Variants in AIG1 observed in about 807,000 individuals in gnomAD.
The protein encoded by AIG1 is androgen induced 1.
A neutral mutation model predicts 31.4 loss-of-function variants in AIG1; 23 were observed. The ratio of observed to expected loss-of-function variants is 0.73; its 90% CI spans 0.53 to 1.04. The LOEUF is 1.04. Ranked by LOEUF, AIG1 falls within the 50% of genes least tolerant of loss-of-function variation. AIG1 has a pLI of 0.00. For synonymous variants in AIG1, 100 were observed against 110.5 expected (o/e 0.90, Z 0.60); for missense variants, 274 against 295.0 (o/e 0.93, Z 0.52).
chr6:143,195,407 A>G (rs1266711439), intron 3 of AIG1, among the ~76,000 whole-genome samples: 1 of 152,248 alleles, frequency 6.6e-6, no homozygotes, highest in Non-Finnish European at 1.5e-5. Flanking sequence ...ATTAGTTTAC[A>G]CACTGGAGAA....
chr6:143,237,028 T>C (rs545868990), intron 3 of AIG1, among the ~76,000 whole-genome samples: 1 of 152,306 alleles, frequency 6.6e-6, no homozygotes, highest in South Asian at 2.1e-4. Flanking sequence ...ACAAGTTAAA[T>C]AACTTACAAT....
chr6:143,242,145 A>T (rs966482021), intron 3 of AIG1, among the ~76,000 whole-genome samples: 2 of 152,190 alleles, frequency 1.3e-5, no homozygotes, highest in Non-Finnish European at 2.9e-5. Flanking sequence ...GAGCACGAGC[A>T]ATAGCAATGT....
chr6:143,129,154 G>C (rs546551618), intron 1 of AIG1, among the ~76,000 whole-genome samples: 1 of 152,200 alleles, frequency 6.6e-6, no homozygotes, highest in East Asian at 1.9e-4. Flanking sequence ...AGGCGGGTGT[G>C]GGGGCAGGCA....
At chr6:143,209,621 C>T (rs552610333) in intron 3 of AIG1, among the ~76,000 whole-genome samples, 97 of 152,294 alleles carry the variant, frequency 6.4e-4, no homozygotes, top group Non-Finnish European at 8.2e-4. Context: ...AAAATGGATT[C>T]TCCCTTAGAG....
At chr6:143,281,785 A>G (rs1490928555) in intron 3 of AIG1, among the ~76,000 whole-genome samples, 2 of 152,176 alleles carry the variant, frequency 1.3e-5, no homozygotes, top group Non-Finnish European at 2.9e-5. Context: ...AAAATTCCAA[A>G]TGATAAGCTG....
chr6:143,153,703 C>T (rs1001883634), intron 2 of AIG1, among the ~76,000 whole-genome samples: 3 of 152,052 alleles, frequency 2.0e-5, no homozygotes, highest in African/African-American at 7.2e-5. Context: ...TACCCTGTGG[C>T]CTTGTGAGGC....
At chr6:143,170,288 T>C (rs1232914423) in intron 3 of AIG1, among the ~76,000 whole-genome samples, 1 of 152,152 alleles carries the variant, frequency 6.6e-6, no homozygotes, top group Non-Finnish European at 1.5e-5. Context: ...TATTCAGGTT[T>C]TCTGTTTTCT....
At chr6:143,242,432 T>C (rs918040569) in intron 3 of AIG1, among the ~76,000 whole-genome samples, 1 of 152,204 alleles carries the variant, frequency 6.6e-6, no homozygotes, top group African/African-American at 2.4e-5. Context: ...CTTTGTTTAA[T>C]CCCCACAACT....
chr6:143,170,773 G>T (rs1251599520), intron 3 of AIG1, among the ~76,000 whole-genome samples: 10 of 151,226 alleles, frequency 6.6e-5, no homozygotes, highest in African/African-American at 1.2e-4. Context: ...AACTTTAATT[G>T]TAAATTTTCT....
At chr6:143,320,204 GA>G (rs982057886) in intron 4 of AIG1, among the ~76,000 whole-genome samples, 3 of 151,620 alleles carry the variant, frequency 2.0e-5, no homozygotes, top group African/African-American at 7.3e-5. Context: ...CTATTATAAA[GA>G]AAAAAAAGGA....
At chr6:143,184,656 T>G (rs960194516) in intron 3 of AIG1, among the ~76,000 whole-genome samples, 1 of 152,150 alleles carries the variant, frequency 6.6e-6, no homozygotes, top group African/African-American at 2.4e-5. Flanking sequence ...AGTTTAAGAT[T>G]TGGTCGTCTC....
chr6:143,219,816 G>T (rs114462255), intron 3 of AIG1, among the ~76,000 whole-genome samples: 2 of 152,174 alleles, frequency 1.3e-5, no homozygotes, highest in African/African-American at 4.8e-5. Context: ...TAGCAGAGTA[G>T]CATGGAAAAC....
At chr6:143,163,041 G>C (rs1786555312) in intron 2 of AIG1, among the ~76,000 whole-genome samples, 1 of 152,156 alleles carries the variant, frequency 6.6e-6, no homozygotes, top group Non-Finnish European at 1.5e-5. Flanking sequence ...TTGAAATGCA[G>C]GATCAGAGCA....
chr6:143,146,299 G>A (rs1054811082), intron 2 of AIG1, among the ~76,000 whole-genome samples: 4 of 152,052 alleles, frequency 2.6e-5, no homozygotes, highest in African/African-American at 9.7e-5. Context: ...ATCAAAAAAA[G>A]GTAGAATTGA....
intron 1 of AIG1, among the ~76,000 whole-genome samples, chr6:143,096,382 A>G (rs924363249): frequency 1.6e-4 from 24 of 152,240 alleles, no homozygotes; most frequent in African/African-American, 5.8e-4. Context: ...ACATGAATGA[A>G]TATAAATTGA....
At chr6:143,109,551 TA>T (rs1781092635) in intron 1 of AIG1, among the ~76,000 whole-genome samples, 2 of 152,220 alleles carry the variant, frequency 1.3e-5, no homozygotes, top group African/African-American at 2.4e-5. Flanking sequence ...TCTGATTTAT[TA>T]TTTTTTTTAA....
At chr6:143,201,745 T>C (rs1790714089) in intron 3 of AIG1, among the ~76,000 whole-genome samples, 1 of 152,206 alleles carries the variant, frequency 6.6e-6, no homozygotes, top group Non-Finnish European at 1.5e-5. Context: ...GATCCTTTCC[T>C]TCCTATCCTA....
chr6:143,078,183 A>G (rs565671389), intron 1 of AIG1, among the ~76,000 whole-genome samples: 85 of 152,276 alleles, frequency 5.6e-4, no homozygotes, highest in African/African-American at 2.0e-3. Context: ...AATTTCCAAT[A>G]TTGTGTATTT....
In AIG1 at chr6:143,115,078, A is replaced by G. The variant is rs557066506; in HGVS notation, c.142-21757A>G. On this transcript the variant is annotated intron_variant, in intron 1 of 5. Transcript: ENST00000357847. The stretch of plus-strand genomic sequence containing the variant: ...CATGATGTCTCATGGATATGTAACA[A>G]CCCACTTTTCTCTTAAGATTTAAAT... Among the ~76,000 whole-genome samples, 12 of 152,322 alleles carry G rather than the reference A, an allele frequency of 7.9e-5. No individual in the cohort carries two copies. The South Asian group carries it at 2.3e-3, about 29-fold the overall frequency.
Sources: gnomAD v4.1 joint callset for allele counts (sites outside exome capture counted in the v4.1 genomes callset) on GRCh38, gnomAD v4.1.1 for gene constraint, MANE v1.5 for transcripts, NCBI Gene and HGNC (gene_info 2026-07-23, HGNC 2026-07-21) for gene names.